The following VDR variants were observed in gnomAD, a reference collection of about 807,000 sequenced individuals.
VDR encodes the protein vitamin D3 receptor.
In VDR, 19 loss-of-function variants were observed where a neutral mutation model predicts 39.7. The ratio of observed to expected loss-of-function variants is 0.48; its 90% CI spans 0.33 to 0.70. VDR has a LOEUF of 0.70. Ranked by LOEUF, VDR falls within the 30% of genes least tolerant of loss-of-function variation. VDR has a pLI of 0.02. For synonymous variants in VDR, 242 were observed against 215.8 expected (o/e 1.12, Z -1.07); for missense variants, 442 against 570.5 (o/e 0.77, Z 2.29).
chr12:47,898,185 A>T (rs903200035), intron 1 of VDR, among the ~76,000 whole-genome samples: 2 of 152,124 alleles, frequency 1.3e-5, no homozygotes, highest in African/African-American at 4.8e-5. Flanking sequence ...TCTCTGAGAC[A>T]TGTCTCAGGC....
At chr12:47,873,107 G>A (rs1255912667) in intron 3 of VDR, among the ~76,000 whole-genome samples, 1 of 152,196 alleles carries the variant, frequency 6.6e-6, no homozygotes, top group East Asian at 1.9e-4. Flanking sequence ...TGTGTCGAAG[G>A]AGGGGCCTGG....
chr12:47,888,371 C>T (rs1946301059), intron 1 of VDR, among the ~76,000 whole-genome samples: 1 of 152,192 alleles, frequency 6.6e-6, no homozygotes. Context: ...AGGCTACATA[C>T]TCTCATTCAC....
rs1946078393 is a variant in VDR at position 47,879,063 on chromosome 12, G to A, written c.51C>T (p.Asp17=). The A allele has an allele frequency of 6.2e-7, 1 of 1,614,038 alleles. No homozygotes were observed. Among genetic ancestry groups the A allele is most frequent in the Admixed American group, 1.7e-5 (1 of 60,000 alleles). ...CCCCACAGATCCGGGGCACGTTCCG[G>A]TCAAAGTCTCCAGGGTCAGGCAGGG... The part of the protein sequence containing the change: ...STSLPDPGDF[D]RNVPRICGVC... Residue 17 remains aspartate (D), a synonymous_variant, in exon 3 of 10, where the codon GAC becomes GAT. Coordinates refer to ENST00000549336, the MANE Select transcript of VDR (RefSeq NM_000376.3).
intron 4 of VDR, among the ~76,000 whole-genome samples, chr12:47,859,554 A>C (rs1298656645): frequency 6.6e-6 from 1 of 152,150 alleles, no homozygotes; most frequent in Admixed American, 6.5e-5. Flanking sequence ...CAGTGCCTAC[A>C]TCATAGCCAT....
In VDR at chr12:47,875,380, G is replaced by C. The variant is rs193246994; in HGVS notation, c.146+3588C>G. On this transcript the variant is annotated intron_variant, in intron 3 of 9. Coordinates refer to ENST00000549336, the MANE Select transcript of VDR (RefSeq NM_000376.3). ...CAGGAAATGGTCAAGCAAGCTTCTT[G>C]AGAGCAAGGACTTGGTTCCTGTCAT... Among the ~76,000 whole-genome samples, 85 of 152,320 alleles carry C rather than the reference G, an allele frequency of 5.6e-4. 1 individual carries two copies. The highest frequency in any genetic ancestry group is 4.0e-3 in the Admixed American group (61 of 15,302).
At chr12:47,859,944 T>C (rs1321096161) in intron 4 of VDR, among the ~76,000 whole-genome samples, 2 of 140,152 alleles carry the variant, frequency 1.4e-5, no homozygotes, top group East Asian at 2.0e-4. Context: ...TCTTTCTTTC[T>C]TTCTTTCTTT....
intron 4 of VDR, among the ~76,000 whole-genome samples, chr12:47,859,866 TTTCCTTCCTTCCTTCC>T (rs760043388): frequency 4.0e-5 from 2 of 50,550 alleles, no homozygotes; most frequent in Non-Finnish European, 7.8e-5. Context: ...TCCTTCCTTC[TTTCCTTCCTTCCTTCC>T]TTCCTTCCTT....
At chr12:47,895,817 G>A (rs1946455940) in intron 1 of VDR, among the ~76,000 whole-genome samples, 2 of 152,162 alleles carry the variant, frequency 1.3e-5, no homozygotes, top group African/African-American at 4.8e-5. Context: ...AGATAATCTG[G>A]CCACACCAGG....
At chr12:47,899,301 G>A (rs1357636808) in intron 1 of VDR, among the ~76,000 whole-genome samples, 1 of 152,148 alleles carries the variant, frequency 6.6e-6, no homozygotes, top group African/African-American at 2.4e-5. Context: ...GTCTTGACTA[G>A]TACCTGGCAC....
Position 47,846,642 on chromosome 12 carries a change from G to A in VDR, c.907+15C>T, listed in dbSNP as rs757867715. The A allele has an allele frequency of 1.2e-6, 2 of 1,613,152 alleles. No homozygotes were observed. Among genetic ancestry groups the A allele is most frequent in the Middle Eastern group, 1.9e-4 (1 of 5,234 alleles). ...AGCTGAAAAAGACTCCCCAGGAGGT[G>A]GAGTCTAGGCATACCTTTGGTCACG... On this transcript the variant is annotated intron_variant, in intron 8 of 9. Coordinates refer to ENST00000549336, the MANE Select transcript of VDR (RefSeq NM_000376.3).
chr12:47,853,793 G>A lies in VDR; in HGVS notation c.755+1837C>T, dbSNP rs181530119. Reference sequence around the variant, plus strand: ...AAAAATTAGCCAGGCATGGTGGCACGCTCCTGTAGTTCCAGCTACTTGGGA... The same window carrying A: ...AAAAATTAGCCAGGCATGGTGGCACACTCCTGTAGTTCCAGCTACTTGGGA... On this transcript the variant is annotated intron_variant, in intron 7 of 9. Transcript: ENST00000549336. Among the ~76,000 whole-genome samples the A allele has an allele frequency of 4.5e-4, 69 of 152,176 alleles. No homozygotes were observed. In the East Asian group the frequency reaches 6.2e-3, roughly 14 times the overall value.
intron 4 of VDR, among the ~76,000 whole-genome samples, chr12:47,863,176 C>T (rs1365037323): frequency 6.6e-6 from 1 of 152,138 alleles, no homozygotes; most frequent in Non-Finnish European, 1.5e-5. Context: ...GGATGCAGCG[C>T]TGTTTATGGG....
chr12:47,896,475 G>C (rs73293296), intron 1 of VDR: 4 of 152,352 alleles, frequency 2.6e-5, no homozygotes, highest in African/African-American at 9.6e-5. Context: ...TGGGGGGAAT[G>C]GACGATGACA....
chr12:47,890,122 A>G (rs1049658340), intron 1 of VDR, among the ~76,000 whole-genome samples: 21 of 152,018 alleles, frequency 1.4e-4, no homozygotes, highest in Admixed American at 5.2e-4. Flanking sequence ...TGAAAGACAC[A>G]TTTGGACAGG....
chr12:47,898,703 A>C (rs981497785), intron 1 of VDR: 1 of 155,362 alleles, frequency 6.4e-6, no homozygotes, highest in Admixed American at 6.5e-5. Context: ...CATGAACTGC[A>C]GTGGTGTGCA....
Position 47,844,924 on chromosome 12 carries a change from C to T in VDR, c.1106G>A (p.Cys369Tyr), listed in dbSNP as rs1945247255. ...LSNTLQTYIR[C>Y]RHPPPGSHLL... ...GTGGCTGCCCGGGGGCGGGTGGCGG[C>T]AGCGGATGTACGTCTGCAGTGTGTT... Residue 369 changes from cysteine (C) to tyrosine (Y), a missense_variant, in exon 10 of 10, where the codon TGC becomes TAC. Physicochemically the swap from Cys to Tyr is radical, Grantham distance 194. Around this residue, in one of 5 missense-constraint regions of VDR, gnomAD observed 173 missense variants for 252.0 expected, o/e 0.69. Transcript: ENST00000549336. 1 of 1,613,998 alleles carries T rather than the reference C, an allele frequency of 6.2e-7. No individual in the cohort carries two copies. The highest frequency in any genetic ancestry group is 1.1e-5 in the South Asian group (1 of 91,090).
At chr12:47,845,697 G>T (rs1333411289) in intron 9 of VDR, among the ~76,000 whole-genome samples, 1 of 152,136 alleles carries the variant, frequency 6.6e-6, no homozygotes, top group Non-Finnish European at 1.5e-5. Context: ...GGCTGGCTGG[G>T]CAGGGGTAGA....
At chr12:47,865,753 C>T (rs1240607932) in intron 3 of VDR, among the ~76,000 whole-genome samples, 5 of 140,198 alleles carry the variant, frequency 3.6e-5, no homozygotes, top group African/African-American at 1.1e-4. Flanking sequence ...TTTGCTCTGT[C>T]ACCCAGGCTG....
At chr12:47,904,462 TAAAAAAAAA>T (rs17886628) in intron 1 of VDR, 16 of 360,348 alleles carry the variant, frequency 4.4e-5, no homozygotes, top group African/African-American at 2.1e-4. Flanking sequence ...CAAAGAAAAG[TAAAAAAAAA>T]AAAAAAAAAA....
Sources: gnomAD v4.1 joint callset for allele counts (sites outside exome capture counted in the v4.1 genomes callset) on GRCh38, gnomAD v4.1.1 for gene constraint, gnomAD v4.1.1 regional missense constraint, MANE v1.5 for transcripts, NCBI Gene and HGNC (gene_info 2026-07-23, HGNC 2026-07-21) for gene names.